TIAM1: variants seen among roughly 807,000 people sequenced by gnomAD.
TIAM1 encodes the protein rho guanine nucleotide exchange factor TIAM1.
A neutral mutation model predicts 163.5 loss-of-function variants in TIAM1; 65 were observed. The observed-to-expected ratio is 0.40, with a 90% CI of 0.33 to 0.49. The LOEUF (loss-of-function observed/expected upper bound fraction) is 0.49, where lower values mean the gene tolerates loss of function less well. Among genes scored for constraint, TIAM1 ranks in the 20% least tolerant of loss-of-function variants. The probability of loss-of-function intolerance (pLI) is 0.77; values close to 1 mark genes in which losing one functional copy is unlikely to be tolerated. For missense variants in TIAM1, 1,789 were observed against 2,044.7 expected (o/e 0.87, Z 2.41); for synonymous variants, 833 against 810.1 (o/e 1.03, Z -0.48).
chr21:31,246,230 T>G (rs564694528), intron 5 of TIAM1, among the ~76,000 whole-genome samples: 1 of 152,176 alleles, frequency 6.6e-6, no homozygotes, highest in Non-Finnish European at 1.5e-5. Flanking sequence ...ACTTTTTTTT[T>G]TTCTAGAAGC....
Position 31,252,181 on chromosome 21 carries a change from A to G in TIAM1, c.972T>C (p.Asn324=). 2.5e-6 allele frequency: 4 copies of G among 1,603,952 alleles called. No individual in the cohort carries two copies. In the South Asian group the frequency reaches 4.4e-5, roughly 18 times the overall value. Reference sequence around the variant, plus strand: ...CTGCAAACTCACTGCCCTCGCCTGCATTAACATCCTTGGGAGCAGAAAGAG... The same window carrying G: ...CTGCAAACTCACTGCCCTCGCCTGCGTTAACATCCTTGGGAGCAGAAAGAG... The part of the protein sequence containing the change: ...GRRAKTTQDV[N]AGEGSEFADS... The change falls in exon 5 of 28, where the codon AAT becomes AAC. Residue 324 remains asparagine (N), a synonymous_variant. Coordinates refer to ENST00000541036, the MANE Select transcript of TIAM1 (RefSeq NM_001353694.2).
chr21:31,361,487 A>G (rs2076405554), intron 2 of TIAM1, among the ~76,000 whole-genome samples: 1 of 152,164 alleles, frequency 6.6e-6, no homozygotes. Flanking sequence ...TGATGGCCAC[A>G]TTACCCAGTA....
chr21:31,373,572 C>T lies in TIAM1; in HGVS notation c.-368-34150G>A, dbSNP rs1008794347. ...TCATATAACAAATATGCCTTGAGCA[C>T]CTAACATATGGCAGGTACTGTGCAA... is the stretch of plus-strand genomic sequence containing the variant. On this transcript the variant is annotated intron_variant, in intron 2 of 28. Transcript: ENST00000286827. Among the ~76,000 whole-genome samples the T allele has an allele frequency of 3.3e-4, 50 of 152,018 alleles. 1 individual carries two copies. Among genetic ancestry groups the T allele is most frequent in the Admixed American group, 3.3e-4 (5 of 15,262 alleles).
chr21:31,173,558 AAAAG>A (rs570563663), intron 15 of TIAM1, among the ~76,000 whole-genome samples: 193 of 152,220 alleles, frequency 1.3e-3, no homozygotes, highest in Non-Finnish European at 2.2e-3. Context: ...GAGAGAAAAG[AAAAG>A]AAAGAAAGAA....
At chr21:31,473,495 T>G (rs987138589) in intron 1 of TIAM1, among the ~76,000 whole-genome samples, 13 of 138,972 alleles carry the variant, frequency 9.4e-5, no homozygotes, top group Non-Finnish European at 1.2e-4. Flanking sequence ...GAGTTGCATA[T>G]TAGATCCCAG....
intron 1 of TIAM1, among the ~76,000 whole-genome samples, chr21:31,498,893 C>A (rs1008465779): frequency 4.0e-5 from 6 of 151,368 alleles, no homozygotes; most frequent in African/African-American, 1.5e-4. Context: ...TTGCAGTGAG[C>A]CGAGATCATG....
At chr21:31,508,981 C>A (rs1361789702) in intron 1 of TIAM1, among the ~76,000 whole-genome samples, 2 of 152,080 alleles carry the variant, frequency 1.3e-5, no homozygotes, top group African/African-American at 4.8e-5. Flanking sequence ...TTGTCATGAA[C>A]AAAAATGCCT....
intron 19 of TIAM1, among the ~76,000 whole-genome samples, chr21:31,149,362 A>G (rs908660173): frequency 6.6e-6 from 1 of 152,222 alleles, no homozygotes; most frequent in Non-Finnish European, 1.5e-5. Flanking sequence ...GAATGCTCCA[A>G]TGGCCATTTC....
At chr21:31,338,672 T>G (rs1194642253) in intron 2 of TIAM1, among the ~76,000 whole-genome samples, 2 of 152,152 alleles carry the variant, frequency 1.3e-5, no homozygotes, top group African/African-American at 4.8e-5. Context: ...ATATTTCTTC[T>G]CTTGGAGTTA....
At chr21:31,440,335 G>A (rs1291385941) in intron 2 of TIAM1, among the ~76,000 whole-genome samples, 2 of 152,166 alleles carry the variant, frequency 1.3e-5, no homozygotes, top group Non-Finnish European at 2.9e-5. Context: ...TCTCATGCAG[G>A]TCCAAATATT....
At chr21:31,305,427 A>AAAC (rs1555926350) in intron 2 of TIAM1, among the ~76,000 whole-genome samples, 17 of 152,034 alleles carry the variant, frequency 1.1e-4, no homozygotes, top group African/African-American at 3.9e-4. Context: ...AAAAATAAAA[A>AAAC]AAAAAAAAAA....
At chr21:31,168,588 G>A (rs2084355963) in intron 15 of TIAM1, among the ~76,000 whole-genome samples, 1 of 152,132 alleles carries the variant, frequency 6.6e-6, no homozygotes, top group Non-Finnish European at 1.5e-5. Context: ...TTTTAGTAGA[G>A]ACAGGGTTTC....
chr21:31,513,705 C>T (rs1044449503), intron 1 of TIAM1, among the ~76,000 whole-genome samples: 4 of 152,138 alleles, frequency 2.6e-5, no homozygotes, highest in Non-Finnish European at 4.4e-5. Context: ...TCTAGACCTA[C>T]TTGTAAAAAT....
At chr21:31,244,285 C>G (rs2071377411) in intron 6 of TIAM1, among the ~76,000 whole-genome samples, 1 of 152,220 alleles carries the variant, frequency 6.6e-6, no homozygotes, top group African/African-American at 2.4e-5. Flanking sequence ...TACCTTTGTT[C>G]TAGCCCCCTC....
At chr21:31,228,318 C>A (rs1357366063) in intron 6 of TIAM1, among the ~76,000 whole-genome samples, 1 of 134,192 alleles carries the variant, frequency 7.5e-6, no homozygotes, top group African/African-American at 2.8e-5. Flanking sequence ...TATGGAGTAA[C>A]CAGAACTCCT....
intron 2 of TIAM1, among the ~76,000 whole-genome samples, chr21:31,380,050 C>T (rs559271869): frequency 3.9e-4 from 60 of 152,094 alleles, no homozygotes; most frequent in African/African-American, 1.3e-3. Context: ...GATCATTTGA[C>T]TCAGGAGTTC....
intron 1 of TIAM1, among the ~76,000 whole-genome samples, chr21:31,503,078 C>T (rs912950952): frequency 2.0e-5 from 3 of 152,194 alleles, no homozygotes; most frequent in South Asian, 2.1e-4. Flanking sequence ...GTCCATAATC[C>T]GCTATTGTGT....
chr21:31,320,492 C>CA (rs969918977), intron 2 of TIAM1, among the ~76,000 whole-genome samples: 1 of 151,682 alleles, frequency 6.6e-6, no homozygotes, highest in Non-Finnish European at 1.5e-5. Flanking sequence ...TATCATTAGT[C>CA]AAAAAAAATC....
At chr21:31,150,999 G>GT (rs1396710484) in intron 19 of TIAM1, among the ~76,000 whole-genome samples, 1 of 152,154 alleles carries the variant, frequency 6.6e-6, no homozygotes, top group Non-Finnish European at 1.5e-5. Context: ...GCTCATCATC[G>GT]TAAGTCATTA....
Sources: allele counts gnomAD v4.1 joint callset (sites outside exome capture counted in the v4.1 genomes callset), GRCh38; gene constraint gnomAD v4.1.1; transcripts MANE v1.5; gene names NCBI Gene and HGNC (gene_info 2026-07-23, HGNC 2026-07-21).